Variants in CDON observed in about 807,000 individuals in gnomAD.
The protein encoded by CDON is cell adhesion associated, oncogene regulated, also known as cell adhesion molecule-related/down-regulated by oncogenes.
A neutral mutation model predicts 120.9 loss-of-function variants in CDON; 73 were observed. The observed-to-expected ratio is 0.60, with a 90% CI of 0.50 to 0.73. The LOEUF (loss-of-function observed/expected upper bound fraction) is 0.73. Ranked by LOEUF, CDON falls within the 30% of genes least tolerant of loss-of-function variation. CDON has a pLI of 0.00. For missense variants in CDON, 1,470 were observed against 1,587.3 expected, an observed-to-expected ratio of 0.93 and a Z score of 1.26; for synonymous variants, 566 against 573.5, an observed-to-expected ratio of 0.99 and a Z score of 0.19.
At chr11:125,966,752 GAAC>G (rs895792413) in intron 18 of CDON, among the ~76,000 whole-genome samples, 22 of 151,918 alleles carry the variant, frequency 1.4e-4, no homozygotes, top group African/African-American at 4.6e-4. Flanking sequence ...CCTTGAAAGG[GAAC>G]AACAATAGCT....
At position 126,048,197 on chromosome 11, in the gene CDON, G is replaced by A. The variant is rs139169176; in HGVS notation, c.-62+14382C>T. Among the ~76,000 whole-genome samples, 20 of 151,266 alleles carry A rather than the reference G, an allele frequency of 1.3e-4. No homozygotes were observed. The East Asian group carries it at 3.9e-3, about 29-fold the overall frequency. On this transcript the variant is annotated intron_variant, in intron 1 of 19. Transcript: ENST00000531738. ...ATTGGGAGGCTGAGGCATGAGAATC[G>A]CTTGAGCCCTGGGAGGTGGAGTTTG...
intron 18 of CDON, among the ~76,000 whole-genome samples, chr11:125,972,313 A>T (rs571593603): frequency 3.3e-5 from 5 of 152,134 alleles, no homozygotes; most frequent in African/African-American, 4.8e-5. Flanking sequence ...CTGTAATTCC[A>T]GCTACTAAGG....
chr11:126,004,286 A>ACTC, intron 9 of CDON: 1 of 595,540 alleles, frequency 1.7e-6, no homozygotes, highest in South Asian at 1.9e-5. Context: ...CTGTAGAAAG[A>ACTC]CTCCTGGCTC....
intron 1 of CDON, among the ~76,000 whole-genome samples, chr11:126,041,915 G>A (rs565732846): frequency 2.6e-5 from 4 of 151,918 alleles, no homozygotes; most frequent in East Asian, 1.9e-4. Context: ...ACAGAGTTTC[G>A]CTCTTGTTGC....
At chr11:126,060,138 TTAAG>T (rs1016497988) in intron 1 of CDON, among the ~76,000 whole-genome samples, 40 of 152,236 alleles carry the variant, frequency 2.6e-4, no homozygotes, top group African/African-American at 8.9e-4. Flanking sequence ...ATATAAAAAT[TTAAG>T]TAAAAATAAA....
At chr11:125,966,381 T>C (rs1180884839) in intron 18 of CDON, among the ~76,000 whole-genome samples, 1 of 152,070 alleles carries the variant, frequency 6.6e-6, no homozygotes, top group African/African-American at 2.4e-5. Flanking sequence ...GATAAGAGCA[T>C]GCTGGGCACA....
At chr11:125,966,708 T>C (rs1176153600) in intron 18 of CDON, among the ~76,000 whole-genome samples, 1 of 149,948 alleles carries the variant, frequency 6.7e-6, no homozygotes, top group Non-Finnish European at 1.5e-5. Flanking sequence ...AAAGACAAAA[T>C]CAAAAAAAGC....
intron 16 of CDON, among the ~76,000 whole-genome samples, chr11:125,983,056 A>G (rs963310321): frequency 6.6e-6 from 1 of 152,194 alleles, no homozygotes; most frequent in African/African-American, 2.4e-5. Context: ...AAAGGGGAGC[A>G]TGCGTGAGAA....
chr11:126,057,419 T>C (rs12274037), intron 1 of CDON, among the ~76,000 whole-genome samples: 33,729 of 152,174 alleles, frequency 0.22, 4,126 homozygotes, highest in African/African-American at 0.3. Context: ...ATGCTCATTA[T>C]TGAGCAGTGC....
chr11:125,966,623 C>G (rs1240954192), intron 18 of CDON, among the ~76,000 whole-genome samples: 4 of 152,110 alleles, frequency 2.6e-5, no homozygotes, highest in Non-Finnish European at 5.9e-5. Context: ...CCAAGAAGCT[C>G]TGTGGACCCC....
chr11:125,983,505 G>A (rs1946373758), intron 16 of CDON, among the ~76,000 whole-genome samples: 1 of 152,174 alleles, frequency 6.6e-6, no homozygotes, highest in Non-Finnish European at 1.5e-5. Flanking sequence ...TCTATTCCCT[G>A]TTGACAAGCT....
chr11:126,007,886 C>T (rs1025241211), intron 8 of CDON, among the ~76,000 whole-genome samples: 1 of 152,222 alleles, frequency 6.6e-6, no homozygotes, highest in Non-Finnish European at 1.5e-5. Flanking sequence ...ATTATCTCAA[C>T]TTATCTTCAG....
intron 1 of CDON, among the ~76,000 whole-genome samples, chr11:126,039,008 G>A (rs1948180628): frequency 1.3e-5 from 2 of 152,154 alleles, no homozygotes; most frequent in African/African-American, 4.8e-5. Flanking sequence ...AGGCTTTTAG[G>A]TACTCGCCTC....
intron 1 of CDON, among the ~76,000 whole-genome samples, chr11:126,029,665 G>T (rs980106127): frequency 6.6e-6 from 1 of 152,004 alleles, no homozygotes; most frequent in African/African-American, 2.4e-5. Context: ...AGAAGTGACG[G>T]GCTCATCGAA....
At chr11:126,041,120 C>T (rs922390152) in intron 1 of CDON, among the ~76,000 whole-genome samples, 4 of 143,934 alleles carry the variant, frequency 2.8e-5, no homozygotes, top group Non-Finnish European at 6.0e-5. Context: ...ACCTGGGAGG[C>T]AGAGGAGGTT....
intron 17 of CDON, among the ~76,000 whole-genome samples, chr11:125,978,997 A>G (rs1378207552): frequency 1.3e-5 from 2 of 152,242 alleles, no homozygotes; most frequent in East Asian, 3.8e-4. Context: ...CTGCCCAGCA[A>G]TTAAGAAAAA....
At chr11:125,968,245 G>A (rs959620379) in intron 18 of CDON, among the ~76,000 whole-genome samples, 4 of 152,150 alleles carry the variant, frequency 2.6e-5, no homozygotes, top group African/African-American at 7.2e-5. Flanking sequence ...ATGATGACTC[G>A]CCAGACAATG....
intron 14 of CDON, among the ~76,000 whole-genome samples, chr11:125,990,529 T>G (rs1946606178): frequency 6.6e-6 from 1 of 152,206 alleles, no homozygotes; most frequent in South Asian, 2.1e-4. Context: ...GCAGGGACAC[T>G]TTTGCCAGAT....
intron 2 of CDON, among the ~76,000 whole-genome samples, chr11:126,022,122 A>G (rs900007341): frequency 9.5e-4 from 143 of 151,028 alleles, no homozygotes; most frequent in African/African-American, 2.3e-3. Flanking sequence ...AAAAAAAAAA[A>G]AAAGAAAGAA....
Sources: gnomAD v4.1 joint callset for allele counts (sites outside exome capture counted in the v4.1 genomes callset) on GRCh38, gnomAD v4.1.1 for gene constraint, MANE v1.5 for transcripts, NCBI Gene and HGNC (gene_info 2026-07-23, HGNC 2026-07-21) for gene names.